The following CORIN variants were observed in gnomAD, a reference collection of about 807,000 sequenced individuals.
The protein encoded by CORIN is corin, serine peptidase.
In CORIN, 117 loss-of-function variants were observed where a neutral mutation model predicts 125.3. That is an observed-to-expected ratio of 0.93 (90% CI 0.80 to 1.09). The LOEUF (loss-of-function observed/expected upper bound fraction) is 1.09. CORIN is among the 50% of genes least tolerant of loss of function. The probability of loss-of-function intolerance (pLI) is 0.00; values close to 1 mark genes in which losing one functional copy is unlikely to be tolerated. For missense variants in CORIN, 1,253 were observed against 1,306.7 expected, an observed-to-expected ratio of 0.96 and a Z score of 0.63; for synonymous variants, 450 against 466.4, an observed-to-expected ratio of 0.96 and a Z score of 0.45.
intron 16 of CORIN, among the ~76,000 whole-genome samples, chr4:47,631,707 A>T (rs1012187325): frequency 1.3e-5 from 2 of 152,138 alleles, no homozygotes; most frequent in East Asian, 3.9e-4. Context: ...TCTTCCACAA[A>T]ACCAGTCCCT....
At chr4:47,629,424 A>C (rs1011602648) in intron 16 of CORIN, among the ~76,000 whole-genome samples, 1 of 152,124 alleles carries the variant, frequency 6.6e-6, no homozygotes. Context: ...TTAGTTCCTT[A>C]TGTATTTTGG....
At chr4:47,685,072 G>C (rs1222281402) in intron 6 of CORIN, among the ~76,000 whole-genome samples, 1 of 152,184 alleles carries the variant, frequency 6.6e-6, no homozygotes, top group African/African-American at 2.4e-5. Flanking sequence ...TCTCTGGTGA[G>C]ACTAAAATAA....
chr4:47,746,788 C>T (rs1737570789), intron 4 of CORIN, among the ~76,000 whole-genome samples: 1 of 152,120 alleles, frequency 6.6e-6, no homozygotes. Flanking sequence ...CCCACCTTAG[C>T]CTCCCAAAGT....
intron 5 of CORIN, among the ~76,000 whole-genome samples, chr4:47,738,455 C>A (rs1304114290): frequency 1.3e-5 from 2 of 152,186 alleles, no homozygotes; most frequent in Non-Finnish European, 2.9e-5. Context: ...AGGCTGCTAT[C>A]TGGGCAAAAA....
rs761673944 is a variant in CORIN at position 47,665,044 on chromosome 4, A to T, written c.1577T>A (p.Ile526Asn). 1.2e-6 allele frequency: 2 copies of T among 1,606,082 alleles called. No individual in the cohort carries two copies. Among genetic ancestry groups the T allele is most frequent in the Non-Finnish European group, 8.5e-7 (1 of 1,172,874 alleles). ...CCCATCATATTACCTGCAAGGAGGG[A>T]TATGCTCGCCTGTATTCACATCACA... Reference protein sequence around the residue: ...PKCDVNTGEHIPPCRALCEHS... With the variant: ...PKCDVNTGEHNPPCRALCEHS... Residue 526 changes from isoleucine (I) to asparagine (N), a missense_variant, in exon 11 of 22, where the codon ATC (isoleucine) becomes AAC (asparagine). Transcript: ENST00000273857.
At chr4:47,780,797 G>A (rs1305795397) in intron 3 of CORIN, among the ~76,000 whole-genome samples, 3 of 152,052 alleles carry the variant, frequency 2.0e-5, no homozygotes, top group Non-Finnish European at 4.4e-5. Flanking sequence ...GTTTGTTATT[G>A]AAGTTAAACT....
intron 2 of CORIN, among the ~76,000 whole-genome samples, chr4:47,794,745 T>C (rs1442438763): frequency 6.6e-6 from 1 of 152,172 alleles, no homozygotes; most frequent in Non-Finnish European, 1.5e-5. Context: ...CCCTGCCACA[T>C]ACTCAGCTGT....
At chr4:47,760,873 C>G (rs554432628) in intron 4 of CORIN, among the ~76,000 whole-genome samples, 1 of 152,172 alleles carries the variant, frequency 6.6e-6, no homozygotes, top group Non-Finnish European at 1.5e-5. Context: ...GCACTTGTTA[C>G]GTCATCTTGC....
chr4:47,771,759 C>G (rs1730043656), intron 3 of CORIN, among the ~76,000 whole-genome samples: 1 of 152,112 alleles, frequency 6.6e-6, no homozygotes, highest in Non-Finnish European at 1.5e-5. Context: ...TATTCTACTT[C>G]TCATAAGAGA....
intron 4 of CORIN, among the ~76,000 whole-genome samples, chr4:47,747,340 A>C (rs549353649): frequency 1.3e-5 from 2 of 152,286 alleles, no homozygotes; most frequent in Admixed American, 6.5e-5. Context: ...GGGGCAATGG[A>C]ATCTCTAACT....
chr4:47,718,749 T>C (rs945250264), intron 5 of CORIN, among the ~76,000 whole-genome samples: 4 of 152,190 alleles, frequency 2.6e-5, no homozygotes, highest in Admixed American at 1.3e-4. Flanking sequence ...GCCTGTTTCC[T>C]AGTCAACACT....
chr4:47,632,750 G>GATAGAT (rs1289007513), intron 16 of CORIN, among the ~76,000 whole-genome samples: 1 of 118,426 alleles, frequency 8.4e-6, no homozygotes, highest in Non-Finnish European at 1.8e-5. Context: ...TAGATAGATA[G>GATAGAT]ATAGATAGAT....
chr4:47,691,134 G>A (rs899917730), intron 6 of CORIN, among the ~76,000 whole-genome samples: 2 of 152,202 alleles, frequency 1.3e-5, no homozygotes, highest in African/African-American at 2.4e-5. Flanking sequence ...GCAGCAGAAA[G>A]CACTTACAGG....
At chr4:47,706,984 C>G (rs1467001092) in intron 5 of CORIN, 1 of 1,563,528 alleles carries the variant, frequency 6.4e-7, no homozygotes, top group Non-Finnish European at 8.6e-7. Flanking sequence ...ACCGTTACCG[C>G]TAATACAAGT....
At chr4:47,764,105 G>A (rs1577902316) in intron 3 of CORIN, among the ~76,000 whole-genome samples, 1 of 152,160 alleles carries the variant, frequency 6.6e-6, no homozygotes, top group East Asian at 1.9e-4. Context: ...ACAAACAATA[G>A]AATATTTAAT....
intron 4 of CORIN, among the ~76,000 whole-genome samples, chr4:47,747,070 T>C (rs1728696267): frequency 6.6e-6 from 1 of 152,134 alleles, no homozygotes; most frequent in Admixed American, 6.5e-5. Context: ...TGCCTTCTAG[T>C]TCTTGACCAA....
At chr4:47,800,646 C>T (rs572670885) in intron 2 of CORIN, among the ~76,000 whole-genome samples, 4 of 152,198 alleles carry the variant, frequency 2.6e-5, no homozygotes, top group East Asian at 3.9e-4. Flanking sequence ...GTGGCAGAGA[C>T]GAGTTTCAGG....
chr4:47,681,501 C>G (rs368858748), intron 7 of CORIN: 1 of 152,220 alleles, frequency 6.6e-6, no homozygotes, highest in South Asian at 2.1e-4. Context: ...CTCCACTAAC[C>G]TATCCAACTA....
chr4:47,658,399 T>C (rs1209077494), intron 12 of CORIN, among the ~76,000 whole-genome samples: 2 of 152,370 alleles, frequency 1.3e-5, no homozygotes, highest in East Asian at 3.9e-4. Context: ...CCAACAGCTT[T>C]TCCAGGCAAA....
Sources: allele counts gnomAD v4.1 joint callset (sites outside exome capture counted in the v4.1 genomes callset), GRCh38; gene constraint gnomAD v4.1.1; transcripts MANE v1.5; gene names NCBI Gene and HGNC (gene_info 2026-07-23, HGNC 2026-07-21).